Variants in CNTN3 observed in about 807,000 individuals in gnomAD.
CNTN3 encodes contactin 3, also known as contactin-3.
A neutral mutation model predicts 119.1 loss-of-function variants in CNTN3; 60 were observed. That is an observed-to-expected ratio of 0.50 (90% CI 0.41 to 0.62). The LOEUF is 0.62. Among genes scored for constraint, CNTN3 ranks in the 20% least tolerant of loss-of-function variants. The pLI is 0.00. For missense variants in CNTN3, 1,101 were observed against 1,242.4 expected, an observed-to-expected ratio of 0.89 and a Z score of 1.71; for synonymous variants, 450 against 438.7, an observed-to-expected ratio of 1.03 and a Z score of -0.32.
chr3:74,520,907 A>T, intron 2 of CNTN3, 151 bp downstream of exon 2: 1 of 478,818 alleles, frequency 2.1e-6, no homozygotes, highest in South Asian at 3.8e-5. Flanking sequence ...CAATTATCAG[A>T]TTAGAGAATT....
chr3:74,542,441 T>C (rs1703855752), intron 1 of CNTN3, among the ~76,000 whole-genome samples: 1 of 152,134 alleles, frequency 6.6e-6, no homozygotes, highest in African/African-American at 2.4e-5. Flanking sequence ...GATTTAGTAC[T>C]AGGGAGATTT....
intron 2 of CNTN3, among the ~76,000 whole-genome samples, chr3:74,501,963 C>T (rs955381444): frequency 2.0e-4 from 30 of 152,172 alleles, no homozygotes; most frequent in African/African-American, 6.3e-4. Context: ...ACAAAAATGC[C>T]ATTCTGTTCT....
intron 20 of CNTN3, among the ~76,000 whole-genome samples, chr3:74,279,507 G>C (rs1196151459): frequency 1.3e-5 from 2 of 152,190 alleles, no homozygotes; most frequent in Non-Finnish European, 2.9e-5. Flanking sequence ...GGATGAGATA[G>C]TAGACTATTA....
At chr3:74,352,105 A>C (rs1171561212) in intron 11 of CNTN3, among the ~76,000 whole-genome samples, 1 of 152,190 alleles carries the variant, frequency 6.6e-6, no homozygotes, top group Non-Finnish European at 1.5e-5. Context: ...GGAAGAACTC[A>C]AGCCAGGCTT....
intron 11 of CNTN3, among the ~76,000 whole-genome samples, chr3:74,356,360 CT>C: frequency 6.6e-6 from 1 of 152,216 alleles, no homozygotes; most frequent in Non-Finnish European, 1.5e-5. Flanking sequence ...GCTATTCTTT[CT>C]TCCTGGAATA....
intron 4 of CNTN3, among the ~76,000 whole-genome samples, chr3:74,464,629 T>C (rs1040754662): frequency 5.3e-5 from 8 of 152,150 alleles, no homozygotes; most frequent in African/African-American, 1.9e-4. Flanking sequence ...GAAAAGTGAC[T>C]ACACAGAAAA....
intron 1 of CNTN3, among the ~76,000 whole-genome samples, chr3:74,543,766 C>CT (rs1308818039): frequency 6.6e-6 from 1 of 152,074 alleles, no homozygotes; most frequent in East Asian, 1.9e-4. Context: ...CCATAAATGA[C>CT]TTCACAGCCC....
chr3:74,521,612 TAAAG>T (rs1000040391), intron 1 of CNTN3, among the ~76,000 whole-genome samples: 1 of 151,804 alleles, frequency 6.6e-6, no homozygotes, highest in Non-Finnish European at 1.5e-5. Context: ...GAATTCCTAA[TAAAG>T]CATGCAAATT....
chr3:74,552,001 T>C (rs2107161516), intron 1 of CNTN3, among the ~76,000 whole-genome samples: 1 of 152,100 alleles, frequency 6.6e-6, no homozygotes, highest in South Asian at 2.1e-4. Context: ...TGACCTCAGG[T>C]GATCCACCCA....
At chr3:74,457,407 CT>C (rs964978332) in intron 4 of CNTN3, among the ~76,000 whole-genome samples, 3 of 151,956 alleles carry the variant, frequency 2.0e-5, no homozygotes, top group Middle Eastern at 3.4e-3. Flanking sequence ...AACTATGTGC[CT>C]AAGGAAAATT....
intron 1 of CNTN3, among the ~76,000 whole-genome samples, chr3:74,588,688 C>T (rs1453837715): frequency 6.6e-6 from 1 of 152,112 alleles, no homozygotes; most frequent in Non-Finnish European, 1.5e-5. Flanking sequence ...AGGCATCATG[C>T]TACCTGACTT....
chr3:74,315,978 C>T (rs547328284), intron 13 of CNTN3, among the ~76,000 whole-genome samples: 83 of 152,226 alleles, frequency 5.5e-4, no homozygotes, highest in East Asian at 4.1e-3. Context: ...GCAATTGCAA[C>T]GTAATCAAAA....
At chr3:74,408,210 G>C (rs1701368729) in intron 5 of CNTN3, among the ~76,000 whole-genome samples, 1 of 152,122 alleles carries the variant, frequency 6.6e-6, no homozygotes, top group Non-Finnish European at 1.5e-5. Context: ...TTGCAAGTTT[G>C]TGTTACATAA....
chr3:74,335,342 G>A (rs900333892), intron 12 of CNTN3, among the ~76,000 whole-genome samples: 1 of 152,114 alleles, frequency 6.6e-6, no homozygotes, highest in African/African-American at 2.4e-5. Context: ...GGATTTGAAA[G>A]ATATAATACA....
At chr3:74,334,710 G>A (rs779406300) in intron 13 of CNTN3, 25 bp downstream of exon 13, 3 of 1,601,842 alleles carry the variant, frequency 1.9e-6, no homozygotes, top group African/African-American at 1.3e-5. Context: ...AATATAAAAA[G>A]TATGAGGAAA....
intron 5 of CNTN3, among the ~76,000 whole-genome samples, chr3:74,382,379 T>C (rs1001314281): frequency 2.6e-5 from 4 of 152,182 alleles, no homozygotes; most frequent in African/African-American, 9.6e-5. Context: ...TAGTGAAATA[T>C]ACTCTTAGCA....
chr3:74,312,060 A>G (rs945189719), intron 13 of CNTN3, among the ~76,000 whole-genome samples: 1 of 152,078 alleles, frequency 6.6e-6, no homozygotes, highest in Non-Finnish European at 1.5e-5. Flanking sequence ...CTGGGTCCTC[A>G]CAGTGAATAT....
At chr3:74,297,384 G>A (rs1265847617) in intron 18 of CNTN3, among the ~76,000 whole-genome samples, 49 of 145,120 alleles carry the variant, frequency 3.4e-4, no homozygotes, top group South Asian at 6.6e-4. Flanking sequence ...ATGCCCAGAA[G>A]AAAAAAAAAA....
At chr3:74,433,369 C>A (rs578001916) in intron 4 of CNTN3, among the ~76,000 whole-genome samples, 3 of 152,064 alleles carry the variant, frequency 2.0e-5, no homozygotes, top group Admixed American at 6.6e-5. Flanking sequence ...CTACCACAAA[C>A]AGATTTTTTC....
Sources: gnomAD v4.1 joint callset for allele counts (sites outside exome capture counted in the v4.1 genomes callset) on GRCh38, gnomAD v4.1.1 for gene constraint, MANE v1.5 for transcripts, NCBI Gene and HGNC (gene_info 2026-07-23, HGNC 2026-07-21) for gene names.